The following MAPK8IP3 variants were observed in gnomAD, a reference collection of about 807,000 sequenced individuals.
MAPK8IP3 encodes the protein C-Jun-amino-terminal kinase-interacting protein 3.
In MAPK8IP3, 49 loss-of-function variants were observed where a neutral mutation model predicts 157.8. The ratio of observed to expected loss-of-function variants is 0.31; its 90% confidence interval spans 0.25 to 0.39. The LOEUF (loss-of-function observed/expected upper bound fraction) is 0.39. Among genes scored for constraint, MAPK8IP3 ranks in the 10% least tolerant of loss-of-function variants. The probability of loss-of-function intolerance (pLI) is 1.00; values close to 1 mark genes in which losing one functional copy is unlikely to be tolerated. For synonymous variants in MAPK8IP3, 897 were observed against 777.7 expected (o/e 1.15, Z -2.55); for missense variants, 1,478 against 1,889.4 (o/e 0.78, Z 4.04).
intron 8 of MAPK8IP3, among the ~76,000 whole-genome samples, chr16:1,756,213 T>C (rs1447244305): frequency 2.0e-5 from 3 of 152,240 alleles, no homozygotes; most frequent in East Asian, 1.9e-4. Flanking sequence ...TGATGAGATA[T>C]TCCCATAGAG....
chr16:1,718,531 C>T (rs567593601), intron 1 of MAPK8IP3, among the ~76,000 whole-genome samples: 11 of 151,776 alleles, frequency 7.2e-5, no homozygotes, highest in Non-Finnish European at 1.2e-4. Context: ...CGGTGGCTCT[C>T]GCCTGTAATA....
intron 1 of MAPK8IP3, among the ~76,000 whole-genome samples, chr16:1,715,349 C>T (rs914375503): frequency 1.3e-5 from 2 of 152,276 alleles, no homozygotes; most frequent in African/African-American, 2.4e-5. Flanking sequence ...CCACCCCCTG[C>T]ACGTCCTCTC....
intron 8 of MAPK8IP3, among the ~76,000 whole-genome samples, chr16:1,754,633 G>A (rs1408012285): frequency 6.6e-6 from 1 of 152,012 alleles, no homozygotes; most frequent in South Asian, 2.1e-4. Flanking sequence ...TTACCCGGGT[G>A]TGGTGGCGGG....
chr16:1,741,974 C>T lies in MAPK8IP3; in HGVS notation c.603-1358C>T, dbSNP rs2040710993. 6.6e-6 allele frequency among the ~76,000 whole-genome samples: 1 copy of T among 152,170 alleles called. No homozygotes were observed. Among genetic ancestry groups the T allele is most frequent in the Admixed American group, 6.5e-5 (1 of 15,284 alleles). On this transcript the variant is annotated intron_variant, in intron 4 of 31. Transcript: ENST00000610761. This position sits in a 1 kb window ranked among gnomAD's most constrained non-coding sequence, Gnocchi z 6.9. ...CCTGGTCAGCGGCGGCTGCTGCGTT[C>T]CCCTGTCGCCGTCTGCATCCTCCAG...
At chr16:1,766,468 C>G in intron 22 of MAPK8IP3, 59 bp downstream of exon 22, 1 of 1,602,264 alleles carries the variant, frequency 6.2e-7, no homozygotes, top group Non-Finnish European at 8.5e-7. Context: ...GGAAGGGCCT[C>G]GGGGTCTTGG....
At chr16:1,755,073 G>A (rs1382558618) in intron 8 of MAPK8IP3, among the ~76,000 whole-genome samples, 1 of 152,210 alleles carries the variant, frequency 6.6e-6, no homozygotes, top group Non-Finnish European at 1.5e-5. Flanking sequence ...AGAAAATGTG[G>A]GGAGAGAAAA....
intron 1 of MAPK8IP3, among the ~76,000 whole-genome samples, chr16:1,720,987 C>T (rs2038478369): frequency 6.9e-6 from 1 of 144,116 alleles, no homozygotes; most frequent in Admixed American, 7.0e-5. Context: ...TGAGCTGAGT[C>T]ATGTCATTGC....
At chr16:1,731,746 G>A (rs1236630128) in intron 4 of MAPK8IP3, among the ~76,000 whole-genome samples, 1 of 152,214 alleles carries the variant, frequency 6.6e-6, no homozygotes, top group Non-Finnish European at 1.5e-5. Flanking sequence ...AGAACTGACC[G>A]GAATGCATGG....
chr16:1,737,940 G>A (rs1252153745), intron 4 of MAPK8IP3, among the ~76,000 whole-genome samples: 1 of 69,804 alleles, frequency 1.4e-5, no homozygotes, highest in Non-Finnish European at 2.8e-5. Context: ...GTGAGCATCC[G>A]TGTGACTGTC....
rs999946808 is a variant in MAPK8IP3 at position 1,743,885 on chromosome 16, G to A, written c.747+409G>A. 39 of 1,066,516 alleles carry A rather than the reference G, an allele frequency of 3.7e-5. No homozygotes were observed. The East Asian group carries it at 1.2e-3, about 32-fold the overall frequency. The allele number at this position is 1,066,516 out of a possible 1,614,324, so 66.1% of individuals were successfully genotyped here. On this transcript the variant is annotated intron_variant, in intron 5 of 31. Coordinates refer to ENST00000610761, the MANE Select transcript of MAPK8IP3 (RefSeq NM_001318852.2). The surrounding 1 kb of genome is among the most constrained non-coding windows in gnomAD (Gnocchi z 5.6). ...CCCTGAGAGCCACGCCTCTACTCTC[G>A]GAGGAACGTCAGTGTCTAGAGTGTG... is the stretch of plus-strand genomic sequence containing the variant.
Position 1,766,058 on chromosome 16 carries a change from C to T in MAPK8IP3, c.2545C>T (p.Leu849=). Residue 849 remains leucine (L), a synonymous_variant, in exon 21 of 32, where the codon CTG becomes TTG. Transcript: ENST00000610761. ...GADGVLAGIT[L]VGCATRCNVP... ...AGATGGCGTGCTGGCCGGTATCACCCTGGTGGGCTGTGCCACCCGCTGCAA... is the reference window on the plus strand; with the variant it reads ...AGATGGCGTGCTGGCCGGTATCACCTTGGTGGGCTGTGCCACCCGCTGCAA... 6.2e-7 allele frequency: 1 copy of T among 1,612,844 alleles called. No individual in the cohort carries two copies. The highest frequency in any genetic ancestry group is 1.7e-5 in the Admixed American group (1 of 60,000).
At chr16:1,764,963 C>T (rs2294621) in intron 19 of MAPK8IP3, 50 bp from the exon 20 acceptor site, 346,637 of 1,560,568 alleles carry the variant, frequency 0.22, 41,767 homozygotes, top group African/African-American at 0.43. Context: ...GTGCTGCCAC[C>T]GGGTAGCCTC....
rs562959787 is a variant in MAPK8IP3 at position 1,737,577 on chromosome 16, ACCGT to A, written c.603-5750_603-5747del. On this transcript the variant is annotated intron_variant, in intron 4 of 31. Coordinates refer to ENST00000610761, the MANE Select transcript of MAPK8IP3 (RefSeq NM_001318852.2). ...GACCATCCATGTGAGCATCTGTGTG[ACCGT>A]CCGTGAGCATCCGTGTGAGCGTGTG... is the stretch of plus-strand genomic sequence containing the variant. Among the ~76,000 whole-genome samples the A allele has an allele frequency of 3.3e-3, 274 of 83,096 alleles. 5 individuals are homozygous for A. The highest frequency in any genetic ancestry group is 5.3e-3 in the Non-Finnish European group (238 of 44,736). 54.5% of individuals were successfully genotyped at this position (83,096 alleles called of 152,430 possible). A position where few individuals can be genotyped will look rare whatever the true frequency, so the allele number is the denominator to read the frequency against.
At chr16:1,727,269 G>A (rs1184049463) in intron 2 of MAPK8IP3, among the ~76,000 whole-genome samples, 1 of 150,052 alleles carries the variant, frequency 6.7e-6, no homozygotes, top group Non-Finnish European at 1.5e-5. Context: ...TGTGTGTAGC[G>A]TCTGTGAGTT....
chr16:1,729,445 C>G (rs748720219), intron 3 of MAPK8IP3, 42 bp from the exon 4 acceptor site: 5 of 1,513,396 alleles, frequency 3.3e-6, no homozygotes, highest in South Asian at 2.3e-5. Context: ...ACGGAGACAG[C>G]CCCCCACGGC....
At chr16:1,764,890 C>A in intron 19 of MAPK8IP3, 123 bp from the exon 20 acceptor site, 1 of 931,656 alleles carries the variant, frequency 1.1e-6, no homozygotes, top group Non-Finnish European at 1.6e-6. Flanking sequence ...GGGAGGACAG[C>A]CATGTCCCCT....
At position 1,762,923 on chromosome 16, in the gene MAPK8IP3, CACT is replaced by C. The variant is rs1295013389; in HGVS notation, c.1816_1818del (p.Thr606del). On this transcript the variant is annotated inframe_deletion, in exon 16 of 32. Coordinates refer to ENST00000610761, the MANE Select transcript of MAPK8IP3 (RefSeq NM_001318852.2). The stretch of plus-strand genomic sequence containing the variant: ...TGAACATCCACTACAAGTCACCCAC[CACT>C]GCCGGCTTCAGCCAGCGCCGCAACC... 2.5e-6 allele frequency: 4 copies of C among 1,613,002 alleles called. No homozygotes were observed. The highest frequency in any genetic ancestry group is 3.4e-6 in the Non-Finnish European group (4 of 1,180,016).
intron 1 of MAPK8IP3, among the ~76,000 whole-genome samples, chr16:1,711,785 C>T (rs911802995): frequency 1.3e-4 from 20 of 151,962 alleles, no homozygotes; most frequent in African/African-American, 4.8e-4. Flanking sequence ...ACTAAAAATA[C>T]AAAAATTAGC....
intron 8 of MAPK8IP3, chr16:1,752,104 G>A (rs2041323859): frequency 6.5e-6 from 1 of 152,786 alleles, no homozygotes; most frequent in Non-Finnish European, 1.5e-5. Context: ...TGTTGGCTGT[G>A]GTACCCTGTG....
Sources: allele counts gnomAD v4.1 joint callset (sites outside exome capture counted in the v4.1 genomes callset), GRCh38; gene constraint gnomAD v4.1.1; non-coding constraint Gnocchi (gnomAD v3.1); transcripts MANE v1.5; gene names NCBI Gene and HGNC (gene_info 2026-07-23, HGNC 2026-07-21).